Variants in KCNG2 observed in about 807,000 individuals in gnomAD.
KCNG2 encodes the protein voltage-gated potassium channel regulatory subunit KCNG2.
Under a neutral mutation model 12.3 loss-of-function variants are expected in KCNG2, and 7 were observed. The ratio of observed to expected loss-of-function variants is 0.57; its 90% CI spans 0.32 to 1.07. The LOEUF (loss-of-function observed/expected upper bound fraction) is 1.07. Ranked by LOEUF, KCNG2 falls within the 50% of genes least tolerant of loss-of-function variation. The pLI, the probability that KCNG2 is intolerant of heterozygous loss-of-function variation, is 0.04. For missense variants in KCNG2, 703 were observed against 726.0 expected, an observed-to-expected ratio of 0.97 and a Z score of 0.36; for synonymous variants, 414 against 351.4, an observed-to-expected ratio of 1.18 and a Z score of -1.99.
intron 3 of KCNG2, among the ~76,000 whole-genome samples, chr18:79,879,667 C>G (rs964954596): frequency 1.3e-5 from 2 of 152,172 alleles, no homozygotes; most frequent in Non-Finnish European, 2.9e-5. Flanking sequence ...CTCTGGCCTA[C>G]CAGGGTTCCA....
intron 3 of KCNG2, among the ~76,000 whole-genome samples, chr18:79,867,192 G>A (rs1284471463): frequency 1.3e-5 from 2 of 151,686 alleles, no homozygotes; most frequent in East Asian, 1.9e-4. Context: ...GGTGCTGAGA[G>A]ATCTGGGTGC....
intron 2 of KCNG2, among the ~76,000 whole-genome samples, chr18:79,862,540 C>A (rs1255093923): frequency 6.6e-6 from 1 of 152,236 alleles, no homozygotes; most frequent in Admixed American, 6.5e-5. Context: ...CCCGAGGAGG[C>A]ACTTCAGGGA....
intron 1 of KCNG2, among the ~76,000 whole-genome samples, chr18:79,835,873 C>T (rs1460777682): frequency 1.3e-5 from 2 of 151,900 alleles, no homozygotes; most frequent in Non-Finnish European, 2.9e-5. Flanking sequence ...TAATGTAATA[C>T]CTAGAACAGA....
chr18:79,874,719 A>C (rs1043721111), intron 3 of KCNG2, among the ~76,000 whole-genome samples: 3 of 152,176 alleles, frequency 2.0e-5, no homozygotes, highest in Non-Finnish European at 4.4e-5. Context: ...CCAAGGTGGA[A>C]GCTGGTGCAT....
chr18:79,868,720 G>A (rs889693331), intron 3 of KCNG2, among the ~76,000 whole-genome samples: 3 of 152,168 alleles, frequency 2.0e-5, no homozygotes, highest in Admixed American at 6.5e-5. Context: ...GTGAGAAGAT[G>A]CTCAGCCTCA....
chr18:79,829,157 C>T (rs1281982406), intron 1 of KCNG2, among the ~76,000 whole-genome samples: 16 of 140,636 alleles, frequency 1.1e-4, no homozygotes, highest in African/African-American at 4.1e-4. Context: ...TCTATGTGTG[C>T]GTGTGTGTAA....
intron 3 of KCNG2, among the ~76,000 whole-genome samples, chr18:79,893,869 G>A (rs1980841911): frequency 6.6e-6 from 1 of 150,910 alleles, no homozygotes; most frequent in Non-Finnish European, 1.5e-5. Context: ...GTCTGTATCT[G>A]CTTTTGATTG....
chr18:79,840,237 C>CA (rs1393624238), intron 1 of KCNG2, among the ~76,000 whole-genome samples: 31 of 151,276 alleles, frequency 2.0e-4, no homozygotes, highest in South Asian at 8.4e-4. Context: ...TACAAAAAGC[C>CA]AAAAAAAACT....
intron 1 of KCNG2, among the ~76,000 whole-genome samples, 161 bp from the exon 2 acceptor site, chr18:79,856,218 A>G (rs552002770): frequency 1.3e-5 from 2 of 152,232 alleles, no homozygotes; most frequent in South Asian, 4.1e-4. Context: ...AAAATGGAGC[A>G]TGCAATGGAT....
intron 1 of KCNG2, among the ~76,000 whole-genome samples, chr18:79,851,007 GTTC>G (rs1478442075): frequency 1.3e-5 from 2 of 152,188 alleles, no homozygotes; most frequent in African/African-American, 4.8e-5. Context: ...CCCAGAGAGG[GTTC>G]TTGGACCTTG....
At position 79,818,973 on chromosome 18, in the gene KCNG2, G is replaced by A. The variant is rs978984697; in HGVS notation, c.-115+20959G>A. ...TAATGTCCGAGAGGCATCAGGACTC[G>A]ACACAGTGCCCAGTTCTGCTGGGGG... On this transcript the variant is annotated intron_variant, in intron 1 of 3. Coordinates refer to ENST00000316249, the MANE Select transcript of KCNG2 (RefSeq NM_012283.2). 2.6e-5 allele frequency among the ~76,000 whole-genome samples: 4 copies of A among 152,228 alleles called. No homozygotes were observed. The South Asian group carries it at 6.2e-4, about 24-fold the overall frequency.
intron 3 of KCNG2, among the ~76,000 whole-genome samples, chr18:79,887,444 A>G (rs1980569133): frequency 6.6e-6 from 1 of 152,080 alleles, no homozygotes; most frequent in South Asian, 2.1e-4. Flanking sequence ...AGGTGTTTCA[A>G]GGTTCACGGG....
intron 1 of KCNG2, among the ~76,000 whole-genome samples, chr18:79,836,849 A>G (rs1231395707): frequency 1.3e-5 from 2 of 152,182 alleles, no homozygotes; most frequent in East Asian, 3.9e-4. Context: ...TGAGGATGAC[A>G]ATTCAAGCTG....
chr18:79,861,964 A>G (rs1352679330), intron 2 of KCNG2, among the ~76,000 whole-genome samples: 4 of 152,198 alleles, frequency 2.6e-5, no homozygotes, highest in African/African-American at 9.7e-5. Flanking sequence ...TTTCAACACC[A>G]GAATTTCTAT....
chr18:79,853,799 G>T (rs905423584), intron 1 of KCNG2, among the ~76,000 whole-genome samples: 1 of 152,250 alleles, frequency 6.6e-6, no homozygotes. Context: ...ATGGCCCCGC[G>T]CCGGGGACAG....
intron 3 of KCNG2, among the ~76,000 whole-genome samples, chr18:79,873,689 A>C (rs1979954675): frequency 6.6e-6 from 1 of 152,078 alleles, no homozygotes; most frequent in Non-Finnish European, 1.5e-5. Context: ...GCGGCATCTG[A>C]ACTTTGCGAT....
At chr18:79,855,302 T>C (rs1375682821) in intron 1 of KCNG2, among the ~76,000 whole-genome samples, 1 of 152,176 alleles carries the variant, frequency 6.6e-6, no homozygotes, top group Non-Finnish European at 1.5e-5. Context: ...TGCAAACTTC[T>C]TTGCTCTGGG....
At chr18:79,868,177 A>G (rs892272067) in intron 3 of KCNG2, among the ~76,000 whole-genome samples, 2 of 152,174 alleles carry the variant, frequency 1.3e-5, no homozygotes, top group African/African-American at 4.8e-5. Flanking sequence ...TCACCCCAGG[A>G]ACACCAGCCC....
At chr18:79,865,808 TGA>T (rs1979489582) in intron 3 of KCNG2, among the ~76,000 whole-genome samples, 24 of 116,230 alleles carry the variant, frequency 2.1e-4, no homozygotes, top group South Asian at 2.9e-4. Context: ...GTCTGTGTGC[TGA>T]GAGGTCTGGG....
Sources: allele counts gnomAD v4.1 joint callset (sites outside exome capture counted in the v4.1 genomes callset), GRCh38; gene constraint gnomAD v4.1.1; transcripts MANE v1.5; gene names NCBI Gene and HGNC (gene_info 2026-07-23, HGNC 2026-07-21).